The following ECT2L variants were observed in gnomAD, a reference collection of about 807,000 sequenced individuals.
ECT2L encodes the protein epithelial cell-transforming sequence 2 oncogene-like.
Under a neutral mutation model 122.8 loss-of-function variants are expected in ECT2L, and 126 were observed. The ratio of observed to expected loss-of-function variants is 1.03; its 90% CI spans 0.89 to 1.19. The LOEUF (loss-of-function observed/expected upper bound fraction) is 1.19, where lower values mean the gene tolerates loss of function less well. Ranked by LOEUF, ECT2L falls within the 50% of genes most tolerant of loss-of-function variation. The probability of loss-of-function intolerance (pLI) is 0.00; values close to 1 mark genes in which losing one functional copy is unlikely to be tolerated. For synonymous variants in ECT2L, 385 were observed against 381.8 expected (o/e 1.01, Z -0.10); for missense variants, 1,012 against 1,064.1 (o/e 0.95, Z 0.68).
chr6:138,860,089 T>G (rs1777769833), intron 10 of ECT2L, among the ~76,000 whole-genome samples: 1 of 152,206 alleles, frequency 6.6e-6, no homozygotes, highest in South Asian at 2.1e-4. Flanking sequence ...CCTCCCAAAG[T>G]GCTGGGATTA....
chr6:138,846,568 C>A lies in ECT2L; in HGVS notation c.794C>A (p.Pro265His), dbSNP rs774923718. 3 of 1,605,462 alleles carry A rather than the reference C, an allele frequency of 1.9e-6. No individual in the cohort carries two copies. The East Asian group carries it at 6.7e-5, about 36-fold the overall frequency. ...RSNISGSHSY[P>H]LLSKKNWHGV... Reference sequence around the variant, plus strand: ...AATATTTCTGGAAGCCATTCCTACCCTTTATTATCAAAGAAAAATTGGCAT... The same window carrying A: ...AATATTTCTGGAAGCCATTCCTACCATTTATTATCAAAGAAAAATTGGCAT... The change falls in exon 8 of 22, where the codon CCT (proline) becomes CAT (histidine). Residue 265 changes from proline to histidine, a missense_variant. Coordinates refer to ENST00000541398, the MANE Select transcript of ECT2L (RefSeq NM_001077706.3).
chr6:138,862,496 T>C, intron 10 of ECT2L, 131 bp from the exon 11 acceptor site: 2 of 805,880 alleles, frequency 2.5e-6, no homozygotes, highest in South Asian at 1.6e-5. Context: ...TGATCCCTCC[T>C]GCCAGGCCCC....
intron 4 of ECT2L, among the ~76,000 whole-genome samples, chr6:138,815,959 G>A (rs1776054110): frequency 2.0e-5 from 3 of 152,050 alleles, no homozygotes. Context: ...GATTGTTAAC[G>A]GACTCTCCCC....
intron 4 of ECT2L, among the ~76,000 whole-genome samples, chr6:138,836,251 T>C (rs1776833052): frequency 6.6e-6 from 1 of 152,004 alleles, no homozygotes; most frequent in Non-Finnish European, 1.5e-5. Context: ...TCCTGTTTCT[T>C]ATCAAGCTTT....
At chr6:138,857,303 A>C (rs940831237) in intron 10 of ECT2L, among the ~76,000 whole-genome samples, 1 of 152,192 alleles carries the variant, frequency 6.6e-6, no homozygotes, top group African/African-American at 2.4e-5. Context: ...GCGCGCATCC[A>C]TATCACCTGG....
intron 13 of ECT2L, among the ~76,000 whole-genome samples, chr6:138,868,608 G>A (rs553972252): frequency 2.0e-5 from 3 of 152,032 alleles, no homozygotes; most frequent in African/African-American, 7.2e-5. Flanking sequence ...AAAAGATGAC[G>A]GGAAAAGGGG....
At chr6:138,806,345 A>C (rs1347984899) in intron 1 of ECT2L, among the ~76,000 whole-genome samples, 3 of 152,110 alleles carry the variant, frequency 2.0e-5, no homozygotes, top group Non-Finnish European at 4.4e-5. Context: ...ATTAGACAAA[A>C]GCTATATCCA....
chr6:138,831,024 A>G (rs1179450519), intron 4 of ECT2L, among the ~76,000 whole-genome samples: 1 of 152,216 alleles, frequency 6.6e-6, no homozygotes, highest in Non-Finnish European at 1.5e-5. Context: ...AAGTATATAC[A>G]ATCGTCGTAA....
chr6:138,812,615 G>A (rs1396732342), intron 1 of ECT2L, among the ~76,000 whole-genome samples: 1 of 152,048 alleles, frequency 6.6e-6, no homozygotes, highest in Admixed American at 6.6e-5. Flanking sequence ...GACCAGCCTG[G>A]CCAACATGGT....
chr6:138,841,270 TTG>T (rs1368267182), intron 5 of ECT2L, among the ~76,000 whole-genome samples: 1 of 152,236 alleles, frequency 6.6e-6, no homozygotes, highest in Non-Finnish European at 1.5e-5. Context: ...TTCTTGTCTA[TTG>T]TGTGTTCTAG....
chr6:138,853,817 T>C (rs1333664039), intron 9 of ECT2L, among the ~76,000 whole-genome samples: 1 of 152,130 alleles, frequency 6.6e-6, no homozygotes, highest in African/African-American at 2.4e-5. Flanking sequence ...CCTGAGTGCA[T>C]AGTGTCCAAT....
chr6:138,844,400 T>G lies in ECT2L; in HGVS notation c.596-12T>G, dbSNP rs1451315495. 1 of 1,611,796 alleles carries G rather than the reference T, an allele frequency of 6.2e-7. No homozygotes were observed. The highest frequency in any genetic ancestry group is 1.3e-5 in the African/African-American group (1 of 74,900). On this transcript the variant is annotated splice_polypyrimidine_tract_variant and intron_variant, in intron 6 of 21. Transcript: ENST00000541398. The stretch of plus-strand genomic sequence containing the variant: ...AAGTAATCAGCCCCGCCTGCTGTTC[T>G]TTGTTTTTCAGAGGAGTTATTCAAA...
At chr6:138,799,579 G>T (rs1356109995) in intron 1 of ECT2L, among the ~76,000 whole-genome samples, 2 of 151,670 alleles carry the variant, frequency 1.3e-5, no homozygotes, top group Middle Eastern at 3.2e-3. Flanking sequence ...TTGAGTCAGG[G>T]TCTCACTGTA....
intron 1 of ECT2L, 35 bp downstream of exon 1, chr6:138,796,227 T>C (rs1775335375): frequency 6.6e-6 from 1 of 152,334 alleles, no homozygotes; most frequent in Non-Finnish European, 1.5e-5. Flanking sequence ...CTAGTCTTTT[T>C]CTTGGGGCCG....
At chr6:138,812,042 A>G (rs188676043) in intron 1 of ECT2L, among the ~76,000 whole-genome samples, 1 of 152,238 alleles carries the variant, frequency 6.6e-6, no homozygotes, top group Non-Finnish European at 1.5e-5. Flanking sequence ...GAAGCAAGAC[A>G]CTGTCTCAAA....
chr6:138,813,272 G>C lies in ECT2L; in HGVS notation c.-3G>C, dbSNP rs1259023511. 1.2e-6 allele frequency: 2 copies of C among 1,608,426 alleles called. No individual in the cohort carries two copies. Among genetic ancestry groups the C allele is most frequent in the South Asian group, 2.2e-5 (2 of 89,252 alleles). On this transcript the variant is annotated 5_prime_UTR_variant, in exon 3 of 22. Transcript: ENST00000541398. ...TGGGGATTCTTCCTGGAGAACTCCA[G>C]AAATGGAGAGCTTCCACACCAGATT...
chr6:138,799,317 G>C (rs1562446203), intron 1 of ECT2L, among the ~76,000 whole-genome samples: 1 of 150,190 alleles, frequency 6.7e-6, no homozygotes, highest in Admixed American at 6.6e-5. Context: ...GCAGTGGCAC[G>C]ATCTCGGCTC....
chr6:138,826,277 TC>T (rs753169791), intron 4 of ECT2L, among the ~76,000 whole-genome samples: 36 of 151,692 alleles, frequency 2.4e-4, no homozygotes, highest in Non-Finnish European at 4.0e-4. Flanking sequence ...CTTTTAAATT[TC>T]CCCCCAACAT....
chr6:138,887,214 G>GTCTTC (rs1778857453), intron 19 of ECT2L, among the ~76,000 whole-genome samples: 1 of 86,312 alleles, frequency 1.2e-5, no homozygotes, highest in African/African-American at 3.8e-5. Context: ...TGTTCTACTT[G>GTCTTC]TTTTCTTTTC....
Sources: gnomAD v4.1 joint callset for allele counts (sites outside exome capture counted in the v4.1 genomes callset) on GRCh38, gnomAD v4.1.1 for gene constraint, MANE v1.5 for transcripts, NCBI Gene and HGNC (gene_info 2026-07-23, HGNC 2026-07-21) for gene names.